HERC4: variants seen among roughly 807,000 people sequenced by gnomAD.
HERC4 encodes the protein probable E3 ubiquitin-protein ligase HERC4.
A neutral mutation model predicts 124.3 loss-of-function variants in HERC4; 28 were observed. The observed-to-expected ratio is 0.23, with a 90% CI of 0.17 to 0.31. HERC4 has a LOEUF of 0.31. HERC4 is among the 10% of genes least tolerant of loss of function. HERC4 has a pLI of 1.00. For synonymous variants in HERC4, 407 were observed against 421.5 expected (o/e 0.97, Z 0.42); for missense variants, 713 against 1,229.3 (o/e 0.58, Z 6.28).
At chr10:68,038,195 AC>A in intron 4 of HERC4, 26 bp from the exon 5 acceptor site, 1 of 1,191,472 alleles carries the variant, frequency 8.4e-7, no homozygotes, top group Non-Finnish European at 1.2e-6. Context: ...ACAGATCAAG[AC>A]CAGTTAATTC....
At chr10:68,069,799 C>T (rs959338234) in intron 3 of HERC4, 66 of 946,268 alleles carry the variant, frequency 7.0e-5, no homozygotes, top group Non-Finnish European at 7.6e-5. Context: ...TCCCAGCACT[C>T]TGGGAGGCCA....
intron 22 of HERC4, 78 bp downstream of exon 22, chr10:67,936,075 G>T: frequency 1.1e-6 from 1 of 874,596 alleles, no homozygotes; most frequent in Non-Finnish European, 1.8e-6. Flanking sequence ...GCTTAGGGTT[G>T]TGACACGTTT....
At chr10:68,019,994 T>C (rs138922220) in intron 8 of HERC4, among the ~76,000 whole-genome samples, 2 of 152,360 alleles carry the variant, frequency 1.3e-5, no homozygotes, top group African/African-American at 4.8e-5. Flanking sequence ...CCTTTCATTT[T>C]TTCCTTGTTT....
chr10:68,046,575 T>C (rs975092577), intron 3 of HERC4, among the ~76,000 whole-genome samples: 2 of 152,214 alleles, frequency 1.3e-5, no homozygotes, highest in African/African-American at 4.8e-5. Context: ...TCAATGAGTT[T>C]ACAGCCTATG....
chr10:67,947,386 G>A lies in HERC4; in HGVS notation c.2338-6281C>T, dbSNP rs115707115. ...ATATGAGACAAATATTGATAACAGG[G>A]TCAATTCATCAAGAAGATACAACAA... On this transcript the variant is annotated intron_variant, in intron 19 of 24. Coordinates refer to ENST00000373700, the MANE Select transcript of HERC4 (RefSeq NM_015601.4). Among the ~76,000 whole-genome samples the A allele has an allele frequency of 5.9e-3, 896 of 152,214 alleles. 11 individuals carry two copies. The highest frequency in any genetic ancestry group is 0.02 in the African/African-American group (850 of 41,536).
Position 67,968,253 on chromosome 10 carries a change from A to C in HERC4, c.1807-1451T>G, listed in dbSNP as rs529636979. On this transcript the variant is annotated intron_variant, in intron 15 of 24. Coordinates refer to ENST00000373700, the MANE Select transcript of HERC4 (RefSeq NM_015601.4). Reference sequence around the variant, plus strand: ...AAATCTATGTGCAAATTCCCCCCACATCCTTGGCTAACTCTAAACCATGAA... The same window carrying C: ...AAATCTATGTGCAAATTCCCCCCACCTCCTTGGCTAACTCTAAACCATGAA... 2.8e-4 allele frequency among the ~76,000 whole-genome samples: 43 copies of C among 152,308 alleles called. 1 individual carries two copies. The highest frequency in any genetic ancestry group is 1.0e-3 in the African/African-American group (42 of 41,562).
chr10:67,995,389 G>T, intron 9 of HERC4: 1 of 322,788 alleles, frequency 3.1e-6, no homozygotes, highest in South Asian at 2.7e-5. Flanking sequence ...AGGAAAGAGA[G>T]GATTAATGCT....
At chr10:68,041,742 T>G (rs1169765674) in intron 4 of HERC4, among the ~76,000 whole-genome samples, 1 of 152,194 alleles carries the variant, frequency 6.6e-6, no homozygotes, top group Non-Finnish European at 1.5e-5. Flanking sequence ...TGGGTCAATT[T>G]TTTAAATAAA....
chr10:68,031,316 A>G (rs1479070007), intron 7 of HERC4, among the ~76,000 whole-genome samples: 2 of 152,204 alleles, frequency 1.3e-5, no homozygotes, highest in African/African-American at 4.8e-5. Flanking sequence ...AGTTTTTGGA[A>G]TGACACCACA....
intron 4 of HERC4, chr10:68,040,350 A>C: frequency 2.1e-6 from 2 of 949,100 alleles, no homozygotes; most frequent in Non-Finnish European, 2.5e-6. Context: ...TCTTCATATA[A>C]ATGTATTAAT....
At chr10:67,930,688 GA>G (rs1416125730) in intron 23 of HERC4, among the ~76,000 whole-genome samples, 3 of 152,142 alleles carry the variant, frequency 2.0e-5, no homozygotes, top group African/African-American at 7.2e-5. Context: ...TGGTATATTA[GA>G]AAGATAGAAA....
At chr10:67,935,396 C>T (rs919425648) in intron 22 of HERC4, among the ~76,000 whole-genome samples, 2 of 152,136 alleles carry the variant, frequency 1.3e-5, no homozygotes, top group African/African-American at 4.8e-5. Flanking sequence ...CCGCCCGCCT[C>T]GGCCTCCCAG....
intron 4 of HERC4, among the ~76,000 whole-genome samples, chr10:68,041,171 T>C (rs1188489030): frequency 6.6e-6 from 1 of 152,100 alleles, no homozygotes; most frequent in Admixed American, 6.6e-5. Context: ...GTTTATATTA[T>C]GTAATTAAAC....
chr10:67,952,354 G>C (rs1211043021), intron 19 of HERC4, among the ~76,000 whole-genome samples: 1 of 152,040 alleles, frequency 6.6e-6, no homozygotes, highest in East Asian at 2.0e-4. Flanking sequence ...CGCGACCTTG[G>C]CTCACTGCAA....
intron 8 of HERC4, among the ~76,000 whole-genome samples, chr10:68,023,012 A>G (rs56282922): frequency 1.3e-5 from 2 of 152,228 alleles, no homozygotes; most frequent in African/African-American, 2.4e-5. Flanking sequence ...ATTATAAAAA[A>G]AAAAAGAAAA....
At chr10:68,047,077 T>C (rs575768823) in intron 3 of HERC4, among the ~76,000 whole-genome samples, 2 of 152,040 alleles carry the variant, frequency 1.3e-5, no homozygotes, top group South Asian at 2.1e-4. Context: ...TTGAGGAAAT[T>C]TGAATTACTT....
intron 3 of HERC4, among the ~76,000 whole-genome samples, chr10:68,064,739 G>GC (rs1204422272): frequency 2.6e-5 from 4 of 152,092 alleles, no homozygotes; most frequent in Admixed American, 1.3e-4. Context: ...TTGGGAGGCT[G>GC]AGGCAGGTGG....
At chr10:67,983,051 C>T (rs1355884110) in intron 15 of HERC4, among the ~76,000 whole-genome samples, 4 of 150,300 alleles carry the variant, frequency 2.7e-5, no homozygotes, top group Middle Eastern at 3.4e-3. Flanking sequence ...TTGCTTGAAC[C>T]CAGGAAGCGG....
chr10:68,039,998 C>T (rs1397206546), intron 4 of HERC4: 2 of 730,466 alleles, frequency 2.7e-6, no homozygotes, highest in Non-Finnish European at 3.4e-6. Flanking sequence ...TTTGTCTCCT[C>T]TGCTAAACAG....
Sources: gnomAD v4.1 joint callset for allele counts (sites outside exome capture counted in the v4.1 genomes callset) on GRCh38, gnomAD v4.1.1 for gene constraint, MANE v1.5 for transcripts, NCBI Gene and HGNC (gene_info 2026-07-23, HGNC 2026-07-21) for gene names.